Variants in NRXN1 observed in about 807,000 individuals in gnomAD.
NRXN1 encodes the protein neurexin-1.
NRXN1 carries 39 observed loss-of-function variants against 150.9 expected under a neutral mutation model. The ratio of observed to expected loss-of-function variants is 0.26; its 90% CI spans 0.20 to 0.34. The LOEUF (loss-of-function observed/expected upper bound fraction) is 0.34, where lower values mean the gene tolerates loss of function less well. NRXN1 is among the 10% of genes least tolerant of loss of function. The pLI, the probability that NRXN1 is intolerant of heterozygous loss-of-function variation, is 1.00. For missense variants in NRXN1, 1,815 were observed against 1,949.9 expected (o/e 0.93, Z 1.30); for synonymous variants, 924 against 757.0 (o/e 1.22, Z -3.62).
In NRXN1 at chr2:50,105,685, T is replaced by G. The variant is rs149924282; in HGVS notation, c.3547-14191A>C. On this transcript the variant is annotated intron_variant, in intron 18 of 22. Coordinates refer to ENST00000401669, the MANE Select transcript of NRXN1 (RefSeq NM_001330078.2). The stretch of plus-strand genomic sequence containing the variant: ...ATAGGCAAGGAAATGAGAGATTTAG[T>G]TGTAGTTTCCCAAAGGTAATAAACC... 6.6e-4 allele frequency among the ~76,000 whole-genome samples: 100 copies of G among 152,124 alleles called. 1 individual carries two copies. The highest frequency in any genetic ancestry group is 2.2e-3 in the African/African-American group (93 of 41,546).
intron 19 of NRXN1, among the ~76,000 whole-genome samples, chr2:50,080,656 T>G (rs1697820669): frequency 6.6e-6 from 1 of 152,108 alleles, no homozygotes; most frequent in Non-Finnish European, 1.5e-5. Context: ...ATAGTATCAG[T>G]GCTTAAAATA....
chr2:50,293,201 C>G (rs1265162774), intron 17 of NRXN1, among the ~76,000 whole-genome samples: 2 of 152,100 alleles, frequency 1.3e-5, no homozygotes, highest in Admixed American at 6.6e-5. Context: ...GAACTCGTCT[C>G]AGCCCCTGCT....
At chr2:50,423,895 T>C (rs1281901327) in intron 17 of NRXN1, among the ~76,000 whole-genome samples, 2 of 152,100 alleles carry the variant, frequency 1.3e-5, no homozygotes, top group Non-Finnish European at 2.9e-5. Flanking sequence ...TAATCGCTGG[T>C]ATCTGCCATA....
At chr2:50,338,552 G>C (rs1285293897) in intron 17 of NRXN1, among the ~76,000 whole-genome samples, 1 of 151,688 alleles carries the variant, frequency 6.6e-6, no homozygotes, top group Non-Finnish European at 1.5e-5. Context: ...AATTGAAAAG[G>C]ATAACTATAC....
Position 50,347,252 on chromosome 2 carries a change from G to C in NRXN1, c.3365-110282C>G. ...GGGTGGCTGCTCCCAGATTTCCAGG[G>C]CTCCAGGTTCTCGAGAGATACTCCC... On this transcript the variant is annotated intron_variant, in intron 17 of 22. Transcript: ENST00000401669. The surrounding 1 kb of genome is among the most constrained non-coding windows in gnomAD (Gnocchi z 4.9). 7.6e-7 allele frequency: 1 copy of C among 1,321,762 alleles called. No homozygotes were observed. Among genetic ancestry groups the C allele is most frequent in the South Asian group, 1.2e-5 (1 of 81,244 alleles). 81.9% of individuals were successfully genotyped at this position (1,321,762 alleles called of 1,614,324 possible).
intron 2 of NRXN1, among the ~76,000 whole-genome samples, chr2:50,960,671 C>G (rs1575061559): frequency 6.6e-6 from 1 of 151,898 alleles, no homozygotes; most frequent in East Asian, 1.9e-4. Context: ...CGTGAACTTG[C>G]AGAAGCTCTC....
intron 8 of NRXN1, among the ~76,000 whole-genome samples, chr2:50,579,392 G>A (rs1671912394): frequency 6.6e-6 from 1 of 152,236 alleles, no homozygotes; most frequent in Non-Finnish European, 1.5e-5. Context: ...AGGGCATGGT[G>A]GCTGATGCCC....
intron 5 of NRXN1, among the ~76,000 whole-genome samples, chr2:50,772,735 T>C (rs1017509767): frequency 2.6e-5 from 4 of 152,124 alleles, no homozygotes; most frequent in Non-Finnish European, 5.9e-5. Flanking sequence ...TCCTCAAATA[T>C]GGGCCAATGT....
At chr2:50,145,328 T>G (rs1558970189) in intron 18 of NRXN1, among the ~76,000 whole-genome samples, 1 of 151,630 alleles carries the variant, frequency 6.6e-6, no homozygotes, top group Non-Finnish European at 1.5e-5. Context: ...ATTGTTTTTT[T>G]TCCTGAACCA....
intron 5 of NRXN1, among the ~76,000 whole-genome samples, chr2:50,776,419 C>T (rs1703643396): frequency 6.6e-6 from 1 of 151,906 alleles, no homozygotes; most frequent in Non-Finnish European, 1.5e-5. Context: ...GAATTTTAAG[C>T]TATTCTCTTA....
At chr2:50,138,417 A>C (rs75038261) in intron 18 of NRXN1, among the ~76,000 whole-genome samples, 2,155 of 152,332 alleles carry the variant, frequency 0.014, 47 homozygotes, top group African/African-American at 0.049. Flanking sequence ...CTCTTGAAGA[A>C]AACTTTGGGC....
At chr2:50,295,326 C>A (rs1419257303) in intron 17 of NRXN1, among the ~76,000 whole-genome samples, 2 of 152,120 alleles carry the variant, frequency 1.3e-5, no homozygotes, top group Non-Finnish European at 2.9e-5. Context: ...GAAAATCTAT[C>A]CCAAGTCCTA....
intron 22 of NRXN1, among the ~76,000 whole-genome samples, chr2:49,928,897 C>T (rs576148073): frequency 8.5e-5 from 13 of 152,262 alleles, no homozygotes; most frequent in South Asian, 2.1e-4. Context: ...AGTACACTTA[C>T]GGAGGTCAGA....
chr2:50,785,359 C>T (rs1264120775), intron 5 of NRXN1, among the ~76,000 whole-genome samples: 1 of 151,178 alleles, frequency 6.6e-6, no homozygotes, highest in Admixed American at 6.7e-5. Flanking sequence ...CGCCATTCTC[C>T]TGCCTCAGCC....
At chr2:50,240,206 C>CA (rs1213299668) in intron 17 of NRXN1, among the ~76,000 whole-genome samples, 2 of 151,496 alleles carry the variant, frequency 1.3e-5, no homozygotes, top group African/African-American at 4.8e-5. Flanking sequence ...CAAAACAAAG[C>CA]AAAAAAATCG....
chr2:50,500,238 A>T (rs550183871), intron 13 of NRXN1, among the ~76,000 whole-genome samples: 24 of 152,320 alleles, frequency 1.6e-4, no homozygotes, highest in Non-Finnish European at 2.2e-4. Flanking sequence ...AATAAAAATA[A>T]GACAGTATAT....
intron 5 of NRXN1, among the ~76,000 whole-genome samples, chr2:50,832,271 A>G (rs962070445): frequency 6.6e-6 from 1 of 152,156 alleles, no homozygotes; most frequent in Non-Finnish European, 1.5e-5. Flanking sequence ...TGTAAGTTCT[A>G]AAGTGATTGA....
chr2:50,538,651 G>A lies in NRXN1; in HGVS notation c.1760-15C>T. The A allele has an allele frequency of 2.0e-6, 3 of 1,469,924 alleles. No individual in the cohort carries two copies. Among genetic ancestry groups the A allele is most frequent in the Non-Finnish European group, 2.7e-6 (3 of 1,107,496 alleles). 91.1% of individuals were successfully genotyped at this position (1,469,924 alleles called of 1,614,324 possible). A position where few individuals can be genotyped will look rare whatever the true frequency, so the allele number is the denominator to read the frequency against. On this transcript the variant is annotated splice_polypyrimidine_tract_variant and intron_variant, in intron 9 of 22. Transcript: ENST00000401669. ...AGAAATGGTACCTATTTCAAAGAGA[G>A]GAGAATGCACAGGTCTTTAAAAAGC...
At chr2:50,082,528 A>G (rs1438037965) in intron 19 of NRXN1, among the ~76,000 whole-genome samples, 3 of 152,198 alleles carry the variant, frequency 2.0e-5, no homozygotes. Context: ...ACATTTCTCA[A>G]TTTGATTTGA....
Sources: gnomAD v4.1 joint callset for allele counts (sites outside exome capture counted in the v4.1 genomes callset) on GRCh38, gnomAD v4.1.1 for gene constraint, Gnocchi (gnomAD v3.1) non-coding constraint, MANE v1.5 for transcripts, NCBI Gene and HGNC (gene_info 2026-07-23, HGNC 2026-07-21) for gene names.